The following KDM6A variants were observed in gnomAD, a reference collection of about 807,000 sequenced individuals.
KDM6A encodes lysine demethylase 6A, also known as lysine-specific demethylase 6A.
A neutral mutation model predicts 117.6 loss-of-function variants in KDM6A; 11 were observed. The ratio of observed to expected loss-of-function variants is 0.09; its 90% CI spans 0.06 to 0.15. KDM6A has a LOEUF of 0.15. Ranked by LOEUF, KDM6A falls within the 10% of genes least tolerant of loss-of-function variation. The pLI, the probability that KDM6A is intolerant of heterozygous loss-of-function variation, is 1.00. For synonymous variants in KDM6A, 384 were observed against 396.1 expected (o/e 0.97, Z 0.36); for missense variants, 799 against 1,077.3 (o/e 0.74, Z 3.62).
intron 2 of KDM6A, among the ~76,000 whole-genome samples, chrX:44,913,658 GT>G (rs752218601): frequency 1.9e-3 from 210 of 110,575 alleles, no homozygotes; most frequent in African/African-American, 6.7e-3. Flanking sequence ...GCTATTAGTA[GT>G]GTGAGAAATG....
intron 3 of KDM6A, among the ~76,000 whole-genome samples, chrX:44,967,997 G>T (rs2039121186): frequency 8.9e-6 from 1 of 112,327 alleles, no homozygotes; most frequent in African/African-American, 3.2e-5. Flanking sequence ...ACTGCAGTCA[G>T]TCTATTGTTG....
At chrX:45,083,759 T>C in intron 24 of KDM6A, 151 bp downstream of exon 24, 1 of 493,092 alleles carries the variant, frequency 2.0e-6, no homozygotes, top group Non-Finnish European at 3.4e-6. Flanking sequence ...CAGATTAAGA[T>C]TTTTCCCCTT....
intron 4 of KDM6A, among the ~76,000 whole-genome samples, chrX:45,000,651 C>T (rs1010970020): frequency 3.5e-5 from 4 of 112,713 alleles, no homozygotes; most frequent in African/African-American, 9.7e-5. Flanking sequence ...CAAGGAACGC[C>T]GTTTCTTCCC....
At chrX:45,052,389 T>C (rs2043892783) in intron 9 of KDM6A, among the ~76,000 whole-genome samples, 1 of 112,077 alleles carries the variant, frequency 8.9e-6, no homozygotes, top group South Asian at 3.7e-4. Flanking sequence ...GTTTTGTTTT[T>C]GGTCTGGGCA....
intron 4 of KDM6A, among the ~76,000 whole-genome samples, chrX:44,994,762 G>A (rs1451378611): frequency 9.0e-6 from 1 of 111,401 alleles, no homozygotes; most frequent in Non-Finnish European, 1.9e-5. Flanking sequence ...CCTGGCCCCT[G>A]CTGCTGTGTC....
At chrX:45,055,434 T>C (rs1399888814) in intron 10 of KDM6A, among the ~76,000 whole-genome samples, 2 of 111,490 alleles carry the variant, frequency 1.8e-5, no homozygotes, top group Non-Finnish European at 3.8e-5. Context: ...AAGAGTTGAC[T>C]GAAAAGGTAT....
intron 2 of KDM6A, among the ~76,000 whole-genome samples, chrX:44,924,795 G>A (rs1220833909): frequency 2.7e-5 from 3 of 110,346 alleles, no homozygotes; most frequent in Admixed American, 9.7e-5. Context: ...CTCAAGCTGT[G>A]CTCCCACTTT....
intron 24 of KDM6A, among the ~76,000 whole-genome samples, chrX:45,085,155 T>C (rs772306845): frequency 1.8e-5 from 2 of 112,125 alleles, no homozygotes; most frequent in African/African-American, 6.5e-5. Context: ...GACACTGATA[T>C]AAATGTTGGG....
At chrX:44,992,922 A>G (rs1273705574) in intron 4 of KDM6A, among the ~76,000 whole-genome samples, 3 of 111,960 alleles carry the variant, frequency 2.7e-5, no homozygotes, top group African/African-American at 9.8e-5. Flanking sequence ...GGTAGTCATG[A>G]TATATAGTTG....
At chrX:44,908,684 C>CT (rs1451594277) in intron 2 of KDM6A, among the ~76,000 whole-genome samples, 1 of 111,682 alleles carries the variant, frequency 9.0e-6, no homozygotes, top group East Asian at 2.8e-4. Flanking sequence ...TGGTCAAAGC[C>CT]TACCCAGATT....
At chrX:44,970,359 C>G (rs2039281059) in intron 3 of KDM6A, among the ~76,000 whole-genome samples, 1 of 111,764 alleles carries the variant, frequency 8.9e-6, no homozygotes, top group Non-Finnish European at 1.9e-5. Flanking sequence ...TTTCTCCCAA[C>G]TGATAATTAC....
intron 2 of KDM6A, among the ~76,000 whole-genome samples, chrX:44,954,671 G>T (rs1453680282): frequency 1.8e-5 from 2 of 111,077 alleles, no homozygotes; most frequent in African/African-American, 6.6e-5. Flanking sequence ...AACAGGGAAA[G>T]AAAAAATATG....
Position 44,873,215 on chromosome X carries a change from A to C in KDM6A, c.-337A>C. 14 of 251,545 alleles carry C rather than the reference A, an allele frequency of 5.6e-5. No individual in the cohort carries two copies. The highest frequency in any genetic ancestry group is 1.4e-4 in the Admixed American group (2 of 14,221). 20.7% of individuals were successfully genotyped at this position (251,545 alleles called of 1,213,427 possible). ...AACAACTTTGTGCTGGTGCCGGGGA[A>C]GTTTGTGTCTCCAACGAATCCCCTC... is the stretch of plus-strand genomic sequence containing the variant. On this transcript the variant is annotated 5_prime_UTR_variant, in exon 1 of 30. Coordinates refer to ENST00000611820, the MANE Select transcript of KDM6A (RefSeq NM_001291415.2).
At chrX:45,052,049 A>G (rs1174710163) in intron 9 of KDM6A, among the ~76,000 whole-genome samples, 2 of 111,921 alleles carry the variant, frequency 1.8e-5, no homozygotes, top group Non-Finnish European at 3.8e-5. Context: ...TAACCCAAGG[A>G]GGATTGAATA....
chrX:44,965,874 A>G (rs2038982316), intron 3 of KDM6A, among the ~76,000 whole-genome samples: 2 of 112,142 alleles, frequency 1.8e-5, no homozygotes, highest in South Asian at 7.4e-4. Flanking sequence ...ATATCTGTGA[A>G]GCACAATAAA....
intron 8 of KDM6A, among the ~76,000 whole-genome samples, chrX:45,049,997 A>G (rs1364501283): frequency 8.9e-6 from 1 of 112,705 alleles, no homozygotes; most frequent in Non-Finnish European, 1.9e-5. Context: ...TTTAGACCAG[A>G]TGAGTGTTTT....
intron 4 of KDM6A, among the ~76,000 whole-genome samples, chrX:44,986,382 T>C (rs1291671384): frequency 1.8e-5 from 2 of 111,860 alleles, no homozygotes; most frequent in African/African-American, 6.5e-5. Flanking sequence ...ATTGATTTTT[T>C]TGAAGGGTTT....
chrX:45,029,512 G>C (rs1180555838), intron 6 of KDM6A, among the ~76,000 whole-genome samples: 15 of 109,235 alleles, frequency 1.4e-4, no homozygotes, highest in Non-Finnish European at 1.9e-4. Flanking sequence ...CTCCAGAGGC[G>C]GAGGCCCAAG....
chrX:44,899,135 G>A (rs1332006065), intron 2 of KDM6A, among the ~76,000 whole-genome samples: 2 of 99,321 alleles, frequency 2.0e-5, no homozygotes, highest in Non-Finnish European at 4.0e-5. Context: ...CTGCTTTGTG[G>A]TGGGGTGTGT....
Sources: allele counts gnomAD v4.1 joint callset (sites outside exome capture counted in the v4.1 genomes callset), GRCh38; gene constraint gnomAD v4.1.1; transcripts MANE v1.5; gene names NCBI Gene and HGNC (gene_info 2026-07-23, HGNC 2026-07-21).